The following MIB1 variants were observed in gnomAD, a reference collection of about 807,000 sequenced individuals.
MIB1 encodes the protein E3 ubiquitin-protein ligase MIB1.
A neutral mutation model predicts 124.5 loss-of-function variants in MIB1; 278 were observed. That is an observed-to-expected ratio of 2.23 (90% CI 2.02 to 2.47). MIB1 has a LOEUF of 2.47. Ranked by LOEUF, MIB1 falls within the 30% of genes most tolerant of loss-of-function variation. The probability of loss-of-function intolerance (pLI) is 0.00; values close to 1 mark genes in which losing one functional copy is unlikely to be tolerated. For missense variants in MIB1, 957 were observed against 1,254.4 expected (o/e 0.76, Z 3.58); for synonymous variants, 446 against 429.4 (o/e 1.04, Z -0.48).
At chr18:21,843,331 G>A (rs2042108418) in intron 14 of MIB1, 114 bp downstream of exon 14, 1 of 621,458 alleles carries the variant, frequency 1.6e-6, no homozygotes, top group East Asian at 3.3e-5. Flanking sequence ...GGCATAGTTA[G>A]ATATAAGTAA....
intron 12 of MIB1, 31 bp from the exon 13 acceptor site, chr18:21,838,334 A>C (rs1377482773): frequency 6.7e-7 from 1 of 1,493,506 alleles, no homozygotes; most frequent in South Asian, 1.3e-5. Context: ...AAATTATGCA[A>C]ATATAGAAAT....
chr18:21,740,241 C>G (rs541166185), upstream of MIB1, among the ~76,000 whole-genome samples: 1 of 152,304 alleles, frequency 6.6e-6, no homozygotes, highest in East Asian at 1.9e-4. Context: ...TAATTAGGGA[C>G]TGAATTTTTT....
intron 1 of MIB1, among the ~76,000 whole-genome samples, chr18:21,713,474 A>C (rs1031705714): frequency 6.6e-6 from 1 of 151,788 alleles, no homozygotes; most frequent in African/African-American, 2.4e-5. Flanking sequence ...TTAGCCGGGC[A>C]TGGTGGCACG....
chr18:21,798,628 A>G (rs753588092), intron 8 of MIB1, among the ~76,000 whole-genome samples: 2 of 152,110 alleles, frequency 1.3e-5, no homozygotes, highest in African/African-American at 2.4e-5. Flanking sequence ...TTGCTAGCAG[A>G]TGGCTTTCCT....
intron 1 of MIB1, among the ~76,000 whole-genome samples, chr18:21,758,011 T>C (rs2041054617): frequency 6.6e-6 from 1 of 152,114 alleles, no homozygotes; most frequent in Admixed American, 6.5e-5. Context: ...CAGACCCAGT[T>C]GGGTTTGAAT....
intron 6 of MIB1, among the ~76,000 whole-genome samples, chr18:21,783,876 G>C (rs2041400951): frequency 6.6e-6 from 1 of 151,522 alleles, no homozygotes; most frequent in Non-Finnish European, 1.5e-5. Flanking sequence ...CCTTCCAAGT[G>C]GCTGGAACTA....
intron 10 of MIB1, among the ~76,000 whole-genome samples, chr18:21,815,011 T>TTTTATA (rs2041812523): frequency 3.8e-5 from 2 of 52,652 alleles, no homozygotes; most frequent in East Asian, 7.9e-4. Context: ...GCTGTTGGTT[T>TTTTATA]TATATATATA....
intron 12 of MIB1, among the ~76,000 whole-genome samples, chr18:21,822,182 AAG>A (rs539968795): frequency 1.7e-3 from 263 of 152,350 alleles, no homozygotes; most frequent in Admixed American, 3.8e-3. Flanking sequence ...AATGGTCAAA[AAG>A]ATTTTATTGA....
chr18:21,722,057 G>T (rs2040717936), intron 1 of MIB1, among the ~76,000 whole-genome samples: 1 of 152,066 alleles, frequency 6.6e-6, no homozygotes, highest in Admixed American at 6.6e-5. Context: ...TTCCGTGTGT[G>T]TGTGTGTGTG....
At chr18:21,861,531 A>G (rs1236855257) in intron 20 of MIB1, among the ~76,000 whole-genome samples, 1 of 152,010 alleles carries the variant, frequency 6.6e-6, no homozygotes. Context: ...ACCCAAGTTT[A>G]TACTTTCTTA....
chr18:21,857,220 C>G lies in MIB1; in HGVS notation c.2756C>G (p.Ser919Ter), dbSNP rs1370613379. The part of the protein sequence containing the change: ...PFIMCCGGKS[S>*]EDATDDISSG... ...ATTATGTGCTGTGGAGGGAAAAGTT[C>G]AGAAGATGCCACTGATGATATCTGT... is the stretch of plus-strand genomic sequence containing the variant. The change falls in exon 19 of 21, where the codon TCA becomes TGA. Residue 919 changes from serine (S) to a stop codon, truncating the protein, a stop_gained. Transcript: ENST00000261537. LOFTEE classifies it high-confidence loss of function. The G allele has an allele frequency of 4.3e-6, 7 of 1,613,316 alleles. No individual in the cohort carries two copies. Among genetic ancestry groups the G allele is most frequent in the South Asian group, 2.2e-5 (2 of 91,040 alleles).
intron 20 of MIB1, among the ~76,000 whole-genome samples, chr18:21,863,710 G>A (rs191723257): frequency 1.4e-3 from 215 of 152,114 alleles, no homozygotes; most frequent in South Asian, 2.9e-3. Flanking sequence ...ACATTATTTA[G>A]AAAGAACCAG....
At chr18:21,803,228 G>A (rs1023890356) in intron 9 of MIB1, among the ~76,000 whole-genome samples, 15 of 152,092 alleles carry the variant, frequency 9.9e-5, no homozygotes, top group Non-Finnish European at 2.1e-4. Flanking sequence ...AGGAAAGATA[G>A]TATATAAACA....
At chr18:21,836,302 C>G (rs931836093) in intron 12 of MIB1, among the ~76,000 whole-genome samples, 4 of 143,246 alleles carry the variant, frequency 2.8e-5, no homozygotes, top group African/African-American at 1.0e-4. Flanking sequence ...GAGATGGAGT[C>G]TCGCTCAGTC....
At chr18:21,709,186 C>T (rs948020375) in intron 1 of MIB1, among the ~76,000 whole-genome samples, 1 of 151,744 alleles carries the variant, frequency 6.6e-6, no homozygotes, top group African/African-American at 2.4e-5. Flanking sequence ...GGTGCAGTGG[C>T]GGGTGCCTGT....
chr18:21,782,484 T>C (rs2041381706), intron 6 of MIB1, among the ~76,000 whole-genome samples: 1 of 151,974 alleles, frequency 6.6e-6, no homozygotes, highest in Admixed American at 6.5e-5. Flanking sequence ...TTTTTCTGTA[T>C]TTCATGGATT....
intron 12 of MIB1, among the ~76,000 whole-genome samples, chr18:21,823,740 C>T (rs879204670): frequency 6.6e-6 from 1 of 151,966 alleles, no homozygotes; most frequent in Admixed American, 6.6e-5. Context: ...GAAATTACAC[C>T]ATGTTTTAAT....
At chr18:21,790,667 G>A (rs556803015) in intron 6 of MIB1, among the ~76,000 whole-genome samples, 80 of 152,310 alleles carry the variant, frequency 5.3e-4, no homozygotes, top group African/African-American at 1.8e-3. Context: ...AGGACACAGA[G>A]TAGAATATTA....
chr18:21,767,198 G>C (rs781669545), intron 2 of MIB1, among the ~76,000 whole-genome samples: 3 of 152,162 alleles, frequency 2.0e-5, no homozygotes, highest in Non-Finnish European at 4.4e-5. Context: ...AATTTATAAA[G>C]GAAAGAGGTT....
Sources: allele counts gnomAD v4.1 joint callset (sites outside exome capture counted in the v4.1 genomes callset), GRCh38; gene constraint gnomAD v4.1.1; transcripts MANE v1.5; gene names NCBI Gene and HGNC (gene_info 2026-07-23, HGNC 2026-07-21).